The following ANO4 variants were observed in gnomAD, a reference collection of about 807,000 sequenced individuals.
The protein encoded by ANO4 is anoctamin-4.
A neutral mutation model predicts 141.9 loss-of-function variants in ANO4; 69 were observed. The observed-to-expected ratio is 0.49, with a 90% CI of 0.40 to 0.59. ANO4 has a LOEUF of 0.59. Ranked by LOEUF, ANO4 falls within the 20% of genes least tolerant of loss-of-function variation. ANO4 has a pLI of 0.00. For synonymous variants in ANO4, 350 were observed against 394.3 expected (o/e 0.89, Z 1.33); for missense variants, 894 against 1,162.2 (o/e 0.77, Z 3.36).
intron 1 of ANO4, among the ~76,000 whole-genome samples, chr12:100,840,801 G>C (rs1333387995): frequency 2.6e-5 from 4 of 152,098 alleles, no homozygotes; most frequent in African/African-American, 4.8e-5. Flanking sequence ...TCAGAGGTCA[G>C]CTTTCTTACC....
chr12:100,870,163 G>A (rs1775498196), intron 1 of ANO4, among the ~76,000 whole-genome samples: 1 of 152,168 alleles, frequency 6.6e-6, no homozygotes, highest in South Asian at 2.1e-4. Context: ...GCATAACTGT[G>A]GAAAGGGTTG....
intron 1 of ANO4, among the ~76,000 whole-genome samples, chr12:100,891,500 T>C (rs2135991277): frequency 6.6e-6 from 1 of 152,336 alleles, no homozygotes; most frequent in East Asian, 1.9e-4. Context: ...GTTGGTGTTT[T>C]TGACTTTCAC....
intron 8 of ANO4, among the ~76,000 whole-genome samples, chr12:101,002,363 C>T (rs2045684229): frequency 6.6e-6 from 1 of 152,196 alleles, no homozygotes; most frequent in Non-Finnish European, 1.5e-5. Context: ...GTGAATAATG[C>T]ACAGTAGTGC....
At chr12:101,085,288 T>C (rs1307572741) in intron 16 of ANO4, among the ~76,000 whole-genome samples, 2 of 152,170 alleles carry the variant, frequency 1.3e-5, no homozygotes, top group African/African-American at 2.4e-5. Flanking sequence ...ACAAAACTTT[T>C]TGGAGTCTCA....
At chr12:101,042,531 T>A in intron 12 of ANO4, 63 bp downstream of exon 12, 2 of 1,591,850 alleles carry the variant, frequency 1.3e-6, no homozygotes, top group Non-Finnish European at 1.7e-6. Context: ...GTTTGCACTT[T>A]GGGGGTATTC....
Position 100,922,210 on chromosome 12 carries a change from T to G in ANO4, c.56-16T>G. On this transcript the variant is annotated splice_polypyrimidine_tract_variant and intron_variant, in intron 2 of 27. Transcript: ENST00000392977. ...ATAACCAGTGCAAACTCCATGAATA[T>G]CTTTCATTTCTCTAGAAGGAGGTGT... 1 of 1,517,156 alleles carries G rather than the reference T, an allele frequency of 6.6e-7. No individual in the cohort carries two copies. The highest frequency in any genetic ancestry group is 2.5e-5 in the East Asian group (1 of 40,502). The allele number at this position is 1,517,156 out of a possible 1,614,324, so 94.0% of individuals were successfully genotyped here. A position where few individuals can be genotyped will look rare whatever the true frequency, so the allele number is the denominator to read the frequency against.
In ANO4 at chr12:101,094,208, TATA is replaced by T. The variant is rs1286795504; in HGVS notation, c.1702-44_1702-42del. 6.8e-6 allele frequency: 10 copies of T among 1,474,896 alleles called. No homozygotes were observed. In the Admixed American group the frequency reaches 8.6e-5, roughly 13 times the overall value. The allele number at this position is 1,474,896 out of a possible 1,614,324, so 91.4% of individuals were successfully genotyped here. A position where few individuals can be genotyped will look rare whatever the true frequency, so the allele number is the denominator to read the frequency against. Reference sequence around the variant, plus strand: ...CTATTTCCTTTGTGATTATAGATTTTATAATACGTGCAGTTCATTTATTAAATG... The same window carrying T: ...CTATTTCCTTTGTGATTATAGATTTTATACGTGCAGTTCATTTATTAAATG... On this transcript the variant is annotated intron_variant, in intron 17 of 27. Coordinates refer to ENST00000392977, the MANE Select transcript of ANO4 (RefSeq NM_001286615.2).
intron 5 of ANO4, among the ~76,000 whole-genome samples, chr12:100,946,046 G>A (rs958975854): frequency 6.6e-6 from 1 of 152,198 alleles, no homozygotes; most frequent in African/African-American, 2.4e-5. Context: ...ATAAAAGTCA[G>A]CAAGAGTGGG....
intron 5 of ANO4, among the ~76,000 whole-genome samples, chr12:100,951,442 A>C (rs937366162): frequency 6.6e-6 from 1 of 152,244 alleles, no homozygotes; most frequent in Non-Finnish European, 1.5e-5. Flanking sequence ...CTAAATGCTC[A>C]TCAATGGCAG....
At chr12:100,997,932 T>A (rs961967445) in intron 8 of ANO4, among the ~76,000 whole-genome samples, 1 of 150,686 alleles carries the variant, frequency 6.6e-6, no homozygotes, top group African/African-American at 2.4e-5. Flanking sequence ...TCTGAAGACT[T>A]AACTGCTCAT....
chr12:101,083,780 A>G lies in ANO4; in HGVS notation c.1498A>G (p.Ser500Gly). 6.3e-7 allele frequency: 1 copy of G among 1,590,994 alleles called. No individual in the cohort carries two copies. Among genetic ancestry groups the G allele is most frequent in the Non-Finnish European group, 8.5e-7 (1 of 1,174,428 alleles). Residue 500 changes from serine (S) to glycine (G), a missense_variant, in exon 16 of 28, where the codon AGC (serine) becomes GGC (glycine). Transcript: ENST00000392977. The stretch of plus-strand genomic sequence containing the variant: ...TTATCAAGCATTTACAGATAAATGC[A>G]GCAGACTTATCGTTTCTGCATCTGG... ...EPYQAFTDKC[S>G]RLIVSASGIF...
intron 5 of ANO4, among the ~76,000 whole-genome samples, chr12:100,945,068 T>C (rs2042670259): frequency 6.6e-6 from 1 of 152,308 alleles, no homozygotes; most frequent in African/African-American, 2.4e-5. Context: ...CTAGGGACCC[T>C]TGTATATCTG....
Position 100,845,545 on chromosome 12 carries a change from T to C in ANO4, c.-141+50518T>C, listed in dbSNP as rs563489594. 5.9e-5 allele frequency among the ~76,000 whole-genome samples: 9 copies of C among 152,316 alleles called. No individual in the cohort carries two copies. The South Asian group carries it at 1.9e-3, about 32-fold the overall frequency. On this transcript the variant is annotated intron_variant, in intron 1 of 27. Transcript: ENST00000392977. ...AGTAACATGAGCCAATAAATTTGCT[T>C]ATATTTTTATAGCTTAAGATGTTTG...
intron 3 of ANO4, among the ~76,000 whole-genome samples, chr12:100,752,749 G>A (rs1426604153): frequency 6.6e-6 from 1 of 152,122 alleles, no homozygotes; most frequent in Non-Finnish European, 1.5e-5. Context: ...CCCTCAAAAG[G>A]GCTCTGTATT....
intron 1 of ANO4, among the ~76,000 whole-genome samples, chr12:100,855,747 T>C (rs2038130624): frequency 6.6e-6 from 1 of 152,214 alleles, no homozygotes; most frequent in South Asian, 2.1e-4. Flanking sequence ...TTTTCTCATT[T>C]TACAGTGACA....
At chr12:101,017,820 T>C (rs1593026940) in intron 8 of ANO4, among the ~76,000 whole-genome samples, 1 of 152,226 alleles carries the variant, frequency 6.6e-6, no homozygotes, top group South Asian at 2.1e-4. Context: ...AGTTCATGTA[T>C]TGAGACTGTT....
At chr12:100,967,142 A>C (rs559224365) in intron 5 of ANO4, among the ~76,000 whole-genome samples, 1 of 152,048 alleles carries the variant, frequency 6.6e-6, no homozygotes, top group South Asian at 2.1e-4. Context: ...ATACTCGTTA[A>C]TTTTCTCAGT....
At chr12:100,986,328 G>A (rs945267060) in intron 7 of ANO4, among the ~76,000 whole-genome samples, 1 of 152,192 alleles carries the variant, frequency 6.6e-6, no homozygotes, top group Non-Finnish European at 1.5e-5. Context: ...AAGGGCAGGA[G>A]AAGATGGATG....
intron 3 of ANO4, among the ~76,000 whole-genome samples, chr12:100,745,302 G>A (rs537858670): frequency 6.6e-6 from 1 of 152,182 alleles, no homozygotes; most frequent in Non-Finnish European, 1.5e-5. Flanking sequence ...TTAAGAGTTT[G>A]TGAATTCTTT....
Sources: allele counts gnomAD v4.1 joint callset (sites outside exome capture counted in the v4.1 genomes callset), GRCh38; gene constraint gnomAD v4.1.1; transcripts MANE v1.5; gene names NCBI Gene and HGNC (gene_info 2026-07-23, HGNC 2026-07-21).